The following DNAH17 variants were observed in gnomAD, a reference collection of about 807,000 sequenced individuals.
DNAH17 encodes axonemal beta dynein heavy chain 17.
Under a neutral mutation model 485.6 loss-of-function variants are expected in DNAH17, and 376 were observed. The observed-to-expected ratio is 0.77, with a 90% CI of 0.71 to 0.84. DNAH17 has a LOEUF of 0.84. DNAH17 is among the 40% of genes least tolerant of loss of function. The pLI, the probability that DNAH17 is intolerant of heterozygous loss-of-function variation, is 0.00. For missense variants in DNAH17, 6,370 were observed against 5,839.3 expected (o/e 1.09, Z -2.96); for synonymous variants, 3,031 against 2,405.9 (o/e 1.26, Z -7.60).
chr17:78,500,662 C>T lies in DNAH17; in HGVS notation c.5484-201G>A, dbSNP rs1475613322. On this transcript the variant is annotated intron_variant, in intron 35 of 80. Transcript: ENST00000389840. The stretch of plus-strand genomic sequence containing the variant: ...TAGCTGGGACTATAGGCGCCCGCCA[C>T]CATGCCCGGCTAATTTTTGTATTTT... The T allele has an allele frequency of 2.4e-5, 10 of 425,528 alleles. No individual in the cohort carries two copies. The South Asian group carries it at 4.6e-4, about 20-fold the overall frequency. 26.4% of individuals were successfully genotyped at this position (425,528 alleles called of 1,614,324 possible).
At chr17:78,570,856 CAAAAAA>C (rs60897530) in intron 6 of DNAH17, 86 bp downstream of exon 6, 392 of 291,728 alleles carry the variant, frequency 1.3e-3, no homozygotes, top group African/African-American at 4.7e-3. Context: ...GACTCCCTCT[CAAAAAA>C]AAAAAAAAAA....
chr17:78,506,620 A>G (rs2090492211), intron 30 of DNAH17, 100 bp downstream of exon 30: 3 of 1,550,534 alleles, frequency 1.9e-6, no homozygotes, highest in South Asian at 1.2e-5. Flanking sequence ...GGCACGTCCA[A>G]GGACACTTAC....
At chr17:78,496,139 A>G in intron 37 of DNAH17, 107 bp from the exon 38 acceptor site, 1 of 1,244,556 alleles carries the variant, frequency 8.0e-7, no homozygotes, top group Non-Finnish European at 1.1e-6. Context: ...TTGCGCCTGC[A>G]AATTCAAACC....
chr17:78,465,743 C>G (rs1032465799), intron 56 of DNAH17, among the ~76,000 whole-genome samples: 6 of 151,180 alleles, frequency 4.0e-5, no homozygotes, highest in African/African-American at 1.5e-4. Flanking sequence ...GCAGCCACCC[C>G]GTCCGGGAGG....
intron 12 of DNAH17, 129 bp downstream of exon 12, chr17:78,561,586 G>C: frequency 8.5e-7 from 1 of 1,180,270 alleles, no homozygotes; most frequent in South Asian, 1.8e-5. Context: ...GTCTCTTCTG[G>C]GCTTTTGCTC....
At chr17:78,425,296 A>G in intron 80 of DNAH17, 50 bp downstream of exon 80, 1 of 1,562,442 alleles carries the variant, frequency 6.4e-7, no homozygotes, top group Non-Finnish European at 8.8e-7. Flanking sequence ...TGTCTTGGCA[A>G]GTAGCACTGG....
chr17:78,468,896 A>C lies in DNAH17; in HGVS notation c.8512-13T>G, dbSNP rs1340320040. The C allele has an allele frequency of 3.7e-6, 6 of 1,609,654 alleles. No individual in the cohort carries two copies. Among genetic ancestry groups the C allele is most frequent in the Non-Finnish European group, 5.1e-6 (6 of 1,178,232 alleles). ...CAGCGAGGTCAATCTGGACGGAGTG[A>C]GGACACGCTTAGGGGCCTTGGTAAA... On this transcript the variant is annotated splice_polypyrimidine_tract_variant and intron_variant, in intron 54 of 80. Transcript: ENST00000389840.
chr17:78,478,475 A>G (rs993407167), intron 51 of DNAH17, among the ~76,000 whole-genome samples: 23 of 150,288 alleles, frequency 1.5e-4, no homozygotes, highest in Non-Finnish European at 3.0e-4. Context: ...TGCCATCATC[A>G]CCACCATCAC....
intron 43 of DNAH17, 64 bp downstream of exon 43, chr17:78,491,379 C>T: frequency 1.3e-6 from 2 of 1,574,834 alleles, no homozygotes; most frequent in Non-Finnish European, 1.7e-6. Context: ...TAGGCGCCTC[C>T]CTGTGAGCCC....
rs2087556282 is a variant in DNAH17, at chr17:78,451,593, T to C, written c.10610A>G (p.His3537Arg). Reference sequence around the variant, plus strand: ...CTGAGCCTGCATCTCTGGCTTGTAGTGTGGGTTGAAGTACTTGGTGTGTAG... The same window carrying C: ...CTGAGCCTGCATCTCTGGCTTGTAGCGTGGGTTGAAGTACTTGGTGTGTAG... Reference protein sequence around the residue: ...LILHTKYFNPHYKPEMQAQCT... With the variant: ...LILHTKYFNPRYKPEMQAQCT... Residue 3537 changes from histidine (H) to arginine (R), a missense_variant, in exon 66 of 81, where the codon CAC becomes CGC. By Grantham distance (29) the His-to-Arg change is conservative. Coordinates refer to ENST00000389840, the MANE Select transcript of DNAH17 (RefSeq NM_173628.4). 6.2e-7 allele frequency: 1 copy of C among 1,612,344 alleles called. No homozygotes were observed. The highest frequency in any genetic ancestry group is 8.5e-7 in the Non-Finnish European group (1 of 1,179,092).
chr17:78,560,625 TA>T, intron 13 of DNAH17, 114 bp downstream of exon 13: 2 of 1,172,604 alleles, frequency 1.7e-6, no homozygotes, highest in Non-Finnish European at 2.3e-6. Flanking sequence ...AGTAAAGCTT[TA>T]GGCGAACTGT....
intron 71 of DNAH17, among the ~76,000 whole-genome samples, 176 bp downstream of exon 71, chr17:78,444,428 T>G (rs1364125209): frequency 6.6e-6 from 1 of 152,188 alleles, no homozygotes; most frequent in Admixed American, 6.5e-5. Flanking sequence ...CTCGAAGAAC[T>G]TTGTGTGAAA....
intron 13 of DNAH17, among the ~76,000 whole-genome samples, chr17:78,560,140 G>A (rs1289358476): frequency 1.3e-5 from 2 of 150,232 alleles, no homozygotes; most frequent in African/African-American, 4.8e-5. Flanking sequence ...GCTCTAGGAG[G>A]GCAGGACAGA....
intron 37 of DNAH17, 126 bp from the exon 38 acceptor site, chr17:78,496,158 T>C: frequency 9.4e-7 from 1 of 1,063,070 alleles, no homozygotes; most frequent in Non-Finnish European, 1.3e-6. Flanking sequence ...CCTCCTAGTT[T>C]ATTTTTTAAA....
chr17:78,426,321 G>A (rs1184823852), intron 79 of DNAH17, 136 bp downstream of exon 79: 2 of 1,121,866 alleles, frequency 1.8e-6, no homozygotes, highest in Non-Finnish European at 2.4e-6. Context: ...GGCCCTTCTG[G>A]CCCTGATCTG....
At chr17:78,466,461 T>A (rs1003142880) in intron 56 of DNAH17, among the ~76,000 whole-genome samples, 194 bp downstream of exon 56, 18 of 151,162 alleles carry the variant, frequency 1.2e-4, no homozygotes, top group Non-Finnish European at 1.6e-4. Flanking sequence ...TAAAAAAAAA[T>A]AAAAAATAAA....
chr17:78,433,196 G>A (rs2086742071), intron 75 of DNAH17, among the ~76,000 whole-genome samples: 1 of 152,240 alleles, frequency 6.6e-6, no homozygotes, highest in Admixed American at 6.5e-5. Flanking sequence ...GCCTGTGCCA[G>A]GCTTAGCCTG....
chr17:78,537,514 A>C (rs751228675), intron 18 of DNAH17, 33 bp from the exon 19 acceptor site: 1 of 1,605,160 alleles, frequency 6.2e-7, no homozygotes, highest in South Asian at 1.1e-5. Context: ...AGTGGTCAAC[A>C]CCTCTGTCCT....
At chr17:78,575,379 GAGAA>G (rs1469948461) in intron 1 of DNAH17, among the ~76,000 whole-genome samples, 2 of 152,208 alleles carry the variant, frequency 1.3e-5, no homozygotes, top group African/African-American at 4.8e-5. Context: ...ATGAATGCTG[GAGAA>G]AGAGAGAAAA....
Sources: allele counts gnomAD v4.1 joint callset (sites outside exome capture counted in the v4.1 genomes callset), GRCh38; gene constraint gnomAD v4.1.1; transcripts MANE v1.5; gene names NCBI Gene and HGNC (gene_info 2026-07-23, HGNC 2026-07-21).